The following GPC5 variants were observed in gnomAD, a reference collection of about 807,000 sequenced individuals.
GPC5 encodes the protein glypican 5, also known as glypican-5.
In GPC5, 47 loss-of-function variants were observed where a neutral mutation model predicts 53.9. The ratio of observed to expected loss-of-function variants is 0.87; its 90% CI spans 0.69 to 1.11. GPC5 has a LOEUF of 1.11. Ranked by LOEUF, GPC5 falls within the 50% of genes most tolerant of loss-of-function variation. GPC5 has a pLI of 0.00. For missense variants in GPC5, 748 were observed against 713.1 expected, an observed-to-expected ratio of 1.05 and a Z score of -0.56; for synonymous variants, 286 against 263.3, an observed-to-expected ratio of 1.09 and a Z score of -0.84.
At chr13:92,361,403 T>TA (rs1427806162) in intron 7 of GPC5, among the ~76,000 whole-genome samples, 1 of 151,704 alleles carries the variant, frequency 6.6e-6, no homozygotes, top group East Asian at 1.9e-4. Flanking sequence ...TCTGGAAAGT[T>TA]AAAAAGGTAG....
chr13:91,946,165 G>C (rs1462689510), intron 6 of GPC5, among the ~76,000 whole-genome samples: 2 of 152,052 alleles, frequency 1.3e-5, no homozygotes, highest in Non-Finnish European at 2.9e-5. Flanking sequence ...GCTTAGTACT[G>C]TTCGTGACAG....
At chr13:92,377,301 G>A (rs896356905) in intron 7 of GPC5, among the ~76,000 whole-genome samples, 1 of 152,184 alleles carries the variant, frequency 6.6e-6, no homozygotes, top group Admixed American at 6.5e-5. Flanking sequence ...TTTAGTAAGT[G>A]TATATTGAAT....
At chr13:92,479,327 G>A (rs998828159) in intron 7 of GPC5, among the ~76,000 whole-genome samples, 8 of 152,292 alleles carry the variant, frequency 5.3e-5, no homozygotes, top group Admixed American at 4.6e-4. Context: ...GAAACCAGGA[G>A]AAGAAAGCCT....
chr13:92,252,574 T>C (rs1406986779), intron 7 of GPC5, among the ~76,000 whole-genome samples: 1 of 152,110 alleles, frequency 6.6e-6, no homozygotes, highest in East Asian at 1.9e-4. Flanking sequence ...CATCTATAGA[T>C]ATGTATTTAC....
intron 6 of GPC5, among the ~76,000 whole-genome samples, chr13:92,079,513 A>G (rs1326034995): frequency 3.9e-5 from 6 of 152,232 alleles, no homozygotes; most frequent in Non-Finnish European, 8.8e-5. Flanking sequence ...CATAATACGT[A>G]CATCTGCTAT....
At chr13:91,515,362 T>C (rs574505930) in intron 2 of GPC5, among the ~76,000 whole-genome samples, 1 of 152,332 alleles carries the variant, frequency 6.6e-6, no homozygotes, top group African/African-American at 2.4e-5. Context: ...GCATTCTTTA[T>C]GGCAGGGGCT....
chr13:92,390,177 A>C (rs1230702353), intron 7 of GPC5, among the ~76,000 whole-genome samples: 1 of 152,184 alleles, frequency 6.6e-6, no homozygotes, highest in Non-Finnish European at 1.5e-5. Flanking sequence ...TAAAATTGGT[A>C]TTAAACTGAA....
At chr13:92,009,542 C>G (rs1005582248) in intron 6 of GPC5, among the ~76,000 whole-genome samples, 15 of 152,158 alleles carry the variant, frequency 9.9e-5, no homozygotes, top group African/African-American at 3.4e-4. Flanking sequence ...CATTCTTGCT[C>G]AGGCAGGTAG....
intron 7 of GPC5, among the ~76,000 whole-genome samples, chr13:92,301,234 A>T (rs2043073144): frequency 6.6e-6 from 1 of 152,292 alleles, no homozygotes; most frequent in Admixed American, 6.5e-5. Context: ...GTGGTAGATC[A>T]TATAATGGTC....
In GPC5 at chr13:92,347,910, A is replaced by G. The variant is rs1254761287; in HGVS notation, c.1561+202921A>G. Among the ~76,000 whole-genome samples the G allele has an allele frequency of 1.4e-4, 2 of 13,844 alleles. 1 individual carries two copies. The highest frequency in any genetic ancestry group is 5.1e-3 in the South Asian group (2 of 392). 9.1% of individuals were successfully genotyped at this position (13,844 alleles called of 152,430 possible). A position where few individuals can be genotyped will look rare whatever the true frequency, so the allele number is the denominator to read the frequency against. On this transcript the variant is annotated intron_variant, in intron 7 of 7. Transcript: ENST00000377067. ...TATATATTATATATATAATATATATATAATATATATATATTATATATACAT... is the reference window on the plus strand; with the variant it reads ...TATATATTATATATATAATATATATGTAATATATATATATTATATATACAT...
At chr13:92,340,272 G>A (rs951326102) in intron 7 of GPC5, 8 of 152,048 alleles carry the variant, frequency 5.3e-5, no homozygotes, top group African/African-American at 1.9e-4. Context: ...AGTCAAATTG[G>A]GGAAAGTAAC....
At chr13:91,718,060 G>A (rs1432396960) in intron 3 of GPC5, among the ~76,000 whole-genome samples, 15 of 152,094 alleles carry the variant, frequency 9.9e-5, no homozygotes, top group Admixed American at 3.9e-4. Flanking sequence ...GATTTTACAT[G>A]TCTAGAGATA....
chr13:91,540,751 G>C (rs2029884320), intron 2 of GPC5, among the ~76,000 whole-genome samples: 1 of 152,086 alleles, frequency 6.6e-6, no homozygotes, highest in Non-Finnish European at 1.5e-5. Context: ...GTTTTTGTTT[G>C]GCTGTTCCAT....
intron 7 of GPC5, among the ~76,000 whole-genome samples, chr13:92,768,008 G>T (rs1426597024): frequency 2.6e-5 from 4 of 151,974 alleles, no homozygotes; most frequent in African/African-American, 9.7e-5. Flanking sequence ...AACACTTTTG[G>T]GTCCACAGTG....
chr13:92,828,191 T>C lies in GPC5; in HGVS notation c.1562-38091T>C, dbSNP rs201599272. On this transcript the variant is annotated intron_variant, in intron 7 of 7. Transcript: ENST00000377067. ...CTCACCCTATCTCCAAACCAGATGC[T>C]GGGAATTCAGAAAGACGACTACGTA... is the stretch of plus-strand genomic sequence containing the variant. 4.6e-5 allele frequency among the ~76,000 whole-genome samples: 7 copies of C among 152,146 alleles called. No homozygotes were observed. In the East Asian group the frequency reaches 9.7e-4, roughly 21 times the overall value.
At chr13:92,277,598 A>G (rs2042884933) in intron 7 of GPC5, among the ~76,000 whole-genome samples, 1 of 152,044 alleles carries the variant, frequency 6.6e-6, no homozygotes, top group Non-Finnish European at 1.5e-5. Flanking sequence ...CAATAGAATA[A>G]GAATATATTA....
chr13:92,815,713 TG>T lies in GPC5; in HGVS notation c.1562-50564del, dbSNP rs141535075. 0.025 allele frequency among the ~76,000 whole-genome samples: 3,829 copies of T among 150,664 alleles called. 384 individuals carry two copies. The East Asian group carries it at 0.32, about 13-fold the overall frequency. Reference sequence around the variant, plus strand: ...AGGACTCCTGTGGCTGTACAAGGGGTGGGGGTGTGGGAATAGTGGTATGGTT... The same window carrying T: ...AGGACTCCTGTGGCTGTACAAGGGGTGGGGTGTGGGAATAGTGGTATGGTT... On this transcript the variant is annotated intron_variant, in intron 7 of 7. Transcript: ENST00000377067.
intron 7 of GPC5, chr13:92,701,635 A>G (rs1405677305): frequency 1.3e-5 from 2 of 152,164 alleles, no homozygotes; most frequent in African/African-American, 4.8e-5. Flanking sequence ...ACAGATTTCA[A>G]TCAGTGGAAT....
chr13:91,648,987 G>C (rs2034630626), intron 2 of GPC5, among the ~76,000 whole-genome samples: 1 of 152,132 alleles, frequency 6.6e-6, no homozygotes, highest in Non-Finnish European at 1.5e-5. Flanking sequence ...CCAGTGGGAG[G>C]TAATCAAATA....
Sources: allele counts gnomAD v4.1 joint callset (sites outside exome capture counted in the v4.1 genomes callset), GRCh38; gene constraint gnomAD v4.1.1; transcripts MANE v1.5; gene names NCBI Gene and HGNC (gene_info 2026-07-23, HGNC 2026-07-21).